The following CTNND2 variants were observed in gnomAD, a reference collection of about 807,000 sequenced individuals.
CTNND2 encodes catenin delta-2.
Under a neutral mutation model 144.4 loss-of-function variants are expected in CTNND2, and 22 were observed. That is an observed-to-expected ratio of 0.15 (90% confidence interval 0.11 to 0.22). The LOEUF (loss-of-function observed/expected upper bound fraction) is 0.22. Among genes scored for constraint, CTNND2 ranks in the 10% least tolerant of loss-of-function variants. CTNND2 has a pLI of 1.00. For missense variants in CTNND2, 1,353 were observed against 1,618.8 expected (o/e 0.84, Z 2.82); for synonymous variants, 751 against 695.6 (o/e 1.08, Z -1.25).
rs74409299 is a variant in CTNND2 at position 11,282,376 on chromosome 5, T to C, written c.1629-45553A>G. On this transcript the variant is annotated intron_variant, in intron 9 of 21. Coordinates refer to ENST00000304623, the MANE Select transcript of CTNND2 (RefSeq NM_001332.4). Reference sequence around the variant, plus strand: ...AGGGAGAGTTAAGAGGTTCCGGACTTGATACCCTCTCTCTCCTAGCATGCA... The same window carrying C: ...AGGGAGAGTTAAGAGGTTCCGGACTCGATACCCTCTCTCTCCTAGCATGCA... 2.6e-4 allele frequency among the ~76,000 whole-genome samples: 39 copies of C among 152,290 alleles called. 1 individual carries two copies. In the East Asian group the frequency reaches 6.6e-3, roughly 26 times the overall value.
At chr5:11,861,387 C>T (rs12655608) in intron 1 of CTNND2, among the ~76,000 whole-genome samples, 38,399 of 152,144 alleles carry the variant, frequency 0.25, 4,979 homozygotes, top group Non-Finnish European at 0.29. Flanking sequence ...TCTCCTCTAT[C>T]AGTGAATAGA....
At chr5:11,577,007 A>T (rs532654335) in intron 2 of CTNND2, among the ~76,000 whole-genome samples, 39 of 152,282 alleles carry the variant, frequency 2.6e-4, no homozygotes, top group Middle Eastern at 3.4e-3. Context: ...TAGTATATAT[A>T]TGAAATGCCG....
chr5:11,530,932 A>G (rs988844727), intron 3 of CTNND2, among the ~76,000 whole-genome samples: 2 of 150,382 alleles, frequency 1.3e-5, no homozygotes, highest in Admixed American at 1.3e-4. Flanking sequence ...CACAAAAAGC[A>G]GCACTCTGTT....
At chr5:11,111,455 G>C (rs1752972339) in intron 13 of CTNND2, among the ~76,000 whole-genome samples, 1 of 152,120 alleles carries the variant, frequency 6.6e-6, no homozygotes, top group African/African-American at 2.4e-5. Flanking sequence ...AGCTCTGGTG[G>C]GGGGCATATT....
At chr5:11,629,778 C>T (rs910438025) in intron 2 of CTNND2, among the ~76,000 whole-genome samples, 2 of 152,024 alleles carry the variant, frequency 1.3e-5, no homozygotes, top group African/African-American at 4.8e-5. Flanking sequence ...TCAAGCAATC[C>T]TCCCACCTCA....
intron 9 of CTNND2, among the ~76,000 whole-genome samples, chr5:11,306,591 A>G (rs1168659434): frequency 6.6e-6 from 1 of 152,112 alleles, no homozygotes. Context: ...AAACAAAAAG[A>G]CTTTTGCTTT....
chr5:11,023,297 T>C (rs980284283), intron 16 of CTNND2, among the ~76,000 whole-genome samples: 7 of 152,184 alleles, frequency 4.6e-5, no homozygotes, highest in African/African-American at 1.7e-4. Context: ...CCATACAAGG[T>C]TGCTGTAAAG....
chr5:11,632,874 G>A (rs908467338), intron 2 of CTNND2, among the ~76,000 whole-genome samples: 6 of 152,084 alleles, frequency 3.9e-5, no homozygotes, highest in African/African-American at 1.2e-4. Context: ...CTCACTAGAG[G>A]GAATCCACAG....
At chr5:11,477,684 C>T (rs564288197) in intron 3 of CTNND2, among the ~76,000 whole-genome samples, 13 of 152,232 alleles carry the variant, frequency 8.5e-5, no homozygotes, top group Middle Eastern at 3.4e-3. Context: ...AAAGGCTCTG[C>T]GGTGTCTGAC....
At position 11,455,786 on chromosome 5, in the gene CTNND2, T is replaced by G. The variant is rs190650097; in HGVS notation, c.288-43717A>C. The stretch of plus-strand genomic sequence containing the variant: ...GGCAACTAATGCTTATAAAAGAAGG[T>G]TTTTTTTTCTGCTCAGAATTAAAGT... On this transcript the variant is annotated intron_variant, in intron 3 of 21. Transcript: ENST00000304623. Among the ~76,000 whole-genome samples the G allele has an allele frequency of 1.1e-4, 16 of 150,774 alleles. No homozygotes were observed. The East Asian group carries it at 2.3e-3, about 22-fold the overall frequency.
intron 11 of CTNND2, among the ~76,000 whole-genome samples, chr5:11,162,475 A>G (rs1289502501): frequency 1.3e-5 from 2 of 152,316 alleles, no homozygotes; most frequent in East Asian, 3.9e-4. Context: ...AACAAACAGA[A>G]GTTCACATTC....
At chr5:11,803,670 T>C (rs1282638834) in intron 1 of CTNND2, among the ~76,000 whole-genome samples, 1 of 152,214 alleles carries the variant, frequency 6.6e-6, no homozygotes, top group Non-Finnish European at 1.5e-5. Flanking sequence ...AGGCTGTCAT[T>C]GTCTAGTGCT....
chr5:11,390,258 C>A (rs754101985), intron 6 of CTNND2, among the ~76,000 whole-genome samples: 2 of 152,112 alleles, frequency 1.3e-5, no homozygotes, highest in East Asian at 3.9e-4. Flanking sequence ...GAGTAGGAGC[C>A]CCTAAGAATA....
intron 1 of CTNND2, among the ~76,000 whole-genome samples, chr5:11,773,702 T>C (rs12653698): frequency 0.82 from 123,780 of 151,822 alleles, 54,840 homozygotes; most frequent in Non-Finnish European, 0.98. Flanking sequence ...CCCAGCTACT[T>C]TGGGTGGCTG....
intron 17 of CTNND2, among the ~76,000 whole-genome samples, chr5:11,018,803 C>T (rs568285383): frequency 4.2e-4 from 63 of 151,162 alleles, no homozygotes; most frequent in Non-Finnish European, 6.2e-4. Context: ...CTCTGCCTCG[C>T]GGGTTCAAGC....
chr5:11,218,003 A>C (rs1257513440), intron 10 of CTNND2, among the ~76,000 whole-genome samples: 44 of 132,898 alleles, frequency 3.3e-4, no homozygotes, highest in African/African-American at 6.6e-4. Flanking sequence ...CCCTCCCTTC[A>C]TTTCTTCCTT....
chr5:11,162,892 CACACACACACACACACACACATACAG>C (rs1758920704), intron 11 of CTNND2, among the ~76,000 whole-genome samples: 1 of 97,728 alleles, frequency 1.0e-5, no homozygotes, highest in South Asian at 3.3e-4. Flanking sequence ...GCTACACACA[CACACACACACACACACACACATACAG>C]ACACACACAC....
intron 1 of CTNND2, among the ~76,000 whole-genome samples, chr5:11,830,761 G>C (rs1054041049): frequency 1.3e-5 from 2 of 152,170 alleles, no homozygotes; most frequent in Admixed American, 6.5e-5. Flanking sequence ...CCTGCAAGGA[G>C]CTGCAGAGCA....
At chr5:11,887,020 G>T (rs1582068643) in intron 1 of CTNND2, among the ~76,000 whole-genome samples, 1 of 111,862 alleles carries the variant, frequency 8.9e-6, no homozygotes, top group Admixed American at 1.5e-4. Flanking sequence ...GTCTCGCTCT[G>T]TCACCCAGGC....
Sources: allele counts gnomAD v4.1 joint callset (sites outside exome capture counted in the v4.1 genomes callset), GRCh38; gene constraint gnomAD v4.1.1; transcripts MANE v1.5; gene names NCBI Gene and HGNC (gene_info 2026-07-23, HGNC 2026-07-21).